The following CIB2 variants were observed in gnomAD, a reference collection of about 807,000 sequenced individuals.
CIB2 encodes the protein calcium and integrin-binding family member 2.
Under a neutral mutation model 23.1 loss-of-function variants are expected in CIB2, and 19 were observed. The observed-to-expected ratio is 0.82, with a 90% CI of 0.57 to 1.21. The LOEUF (loss-of-function observed/expected upper bound fraction) is 1.21, where lower values mean the gene tolerates loss of function less well. Ranked by LOEUF, CIB2 falls within the 50% of genes most tolerant of loss-of-function variation. CIB2 has a pLI of 0.00. For missense variants in CIB2, 220 were observed against 241.5 expected (o/e 0.91, Z 0.59); for synonymous variants, 94 against 91.7 (o/e 1.03, Z -0.14).
chr15:78,123,677 A>C lies in CIB2; in HGVS notation c.86+28T>G, dbSNP rs2074347508. ...TCACCCCGGCCCCAGTCCCAGTCCC[A>C]ACAGGGTGAACGAGAAGCCACACTT... is the stretch of plus-strand genomic sequence containing the variant. On this transcript the variant is annotated intron_variant, in intron 2 of 5. Transcript: ENST00000258930. The C allele has an allele frequency of 4.3e-6, 7 of 1,613,844 alleles. No homozygotes were observed. In the East Asian group the frequency reaches 1.6e-4, roughly 36 times the overall value.
At position 78,131,081 on chromosome 15, in the gene CIB2, G is replaced by A. The variant is rs1039533092; in HGVS notation, c.51+84C>T. On this transcript the variant is annotated intron_variant, in intron 1 of 5. Transcript: ENST00000258930. This position sits in a 1 kb window ranked among gnomAD's most constrained non-coding sequence, Gnocchi z 5.8. The stretch of plus-strand genomic sequence containing the variant: ...TTTGAACCTGGGAGAGCTGGCTCTC[G>A]GGAGGCCTCGGCCAGCGACCGAGAA... The A allele has an allele frequency of 1.4e-5, 18 of 1,280,348 alleles. No homozygotes were observed. The highest frequency in any genetic ancestry group is 2.2e-5 in the Admixed American group (1 of 46,236). The allele number at this position is 1,280,348 out of a possible 1,614,324, so 79.3% of individuals were successfully genotyped here.
At chr15:78,122,906 A>G (rs923125112) in intron 2 of CIB2, among the ~76,000 whole-genome samples, 13 of 152,216 alleles carry the variant, frequency 8.5e-5, no homozygotes, top group African/African-American at 1.2e-4. Context: ...GGAAGCTGCA[A>G]TGGGCTCTGG....
intron 1 of CIB2, among the ~76,000 whole-genome samples, 172 bp from the exon 2 acceptor site, chr15:78,123,911 G>A (rs1236796162): frequency 2.0e-5 from 3 of 152,270 alleles, no homozygotes; most frequent in Non-Finnish European, 2.9e-5. Context: ...GGCTCTAGTA[G>A]GTATAGAAAA....
chr15:78,115,839 G>A (rs910104806), intron 2 of CIB2, among the ~76,000 whole-genome samples: 9 of 151,468 alleles, frequency 5.9e-5, no homozygotes, highest in Admixed American at 2.6e-4. Context: ...CACCACACCC[G>A]GCTAATTTTT....
chr15:78,120,761 C>A (rs2074306816), intron 2 of CIB2: 14 of 984,988 alleles, frequency 1.4e-5, no homozygotes, highest in Non-Finnish European at 1.7e-5. Context: ...CCCCAACCTG[C>A]AAAGAAAAAC....
chr15:78,126,728 A>G (rs1007249854), intron 1 of CIB2, among the ~76,000 whole-genome samples: 2 of 152,216 alleles, frequency 1.3e-5, no homozygotes, highest in African/African-American at 4.8e-5. Context: ...GCCTAGTCTT[A>G]ATCTTTCTTC....
intron 4 of CIB2, among the ~76,000 whole-genome samples, chr15:78,107,324 C>G (rs895507762): frequency 3.9e-5 from 6 of 152,196 alleles, no homozygotes; most frequent in Admixed American, 2.0e-4. Context: ...AGCCCAAGCT[C>G]TTGGGGTGAC....
intron 2 of CIB2, among the ~76,000 whole-genome samples, chr15:78,111,842 G>A (rs984992738): frequency 6.6e-6 from 1 of 152,146 alleles, no homozygotes; most frequent in African/African-American, 2.4e-5. Context: ...CACTCCTGAG[G>A]GTCCATCAAA....
intron 1 of CIB2, among the ~76,000 whole-genome samples, chr15:78,124,940 G>A (rs537134811): frequency 3.3e-5 from 5 of 152,326 alleles, no homozygotes; most frequent in South Asian, 2.1e-4. Context: ...GGGTGCCTTC[G>A]GGAGAGCTGA....
intron 4 of CIB2, among the ~76,000 whole-genome samples, chr15:78,107,101 G>A (rs1359910280): frequency 6.6e-6 from 1 of 152,200 alleles, no homozygotes; most frequent in African/African-American, 2.4e-5. Context: ...CGGGCGTGGT[G>A]GTGGACGCCT....
intron 2 of CIB2, among the ~76,000 whole-genome samples, chr15:78,111,843 G>A (rs909977187): frequency 6.6e-6 from 1 of 152,124 alleles, no homozygotes; most frequent in South Asian, 2.1e-4. Context: ...ACTCCTGAGG[G>A]TCCATCAAAG....
intron 2 of CIB2, among the ~76,000 whole-genome samples, chr15:78,113,392 G>C (rs766079856): frequency 1.3e-5 from 2 of 152,136 alleles, no homozygotes; most frequent in African/African-American, 2.4e-5. Context: ...ATCAAGCTGA[G>C]ACTCTCCACA....
At chr15:78,129,812 C>T (rs1168891730) in intron 1 of CIB2, among the ~76,000 whole-genome samples, 1 of 152,230 alleles carries the variant, frequency 6.6e-6, no homozygotes, top group African/African-American at 2.4e-5. Context: ...CCCTGAATGG[C>T]TCCTCAGCCT....
At chr15:78,117,586 C>G (rs980041811) in intron 2 of CIB2, among the ~76,000 whole-genome samples, 1 of 152,106 alleles carries the variant, frequency 6.6e-6, no homozygotes, top group Admixed American at 6.6e-5. Flanking sequence ...TAAATTACGT[C>G]GAAATAATAA....
rs577278932 is a variant in CIB2 at position 78,118,331 on chromosome 15, G to C, written c.86+5374C>G. Among the ~76,000 whole-genome samples the C allele has an allele frequency of 5.9e-5, 9 of 151,932 alleles. No individual in the cohort carries two copies. In the East Asian group the frequency reaches 1.7e-3, roughly 29 times the overall value. The stretch of plus-strand genomic sequence containing the variant: ...GATAAATGGCTGGGCAGTGGCTCAC[G>C]CCTGTAATCCCAGCACTTTGGAAGC... On this transcript the variant is annotated intron_variant, in intron 2 of 5. Coordinates refer to ENST00000258930, the MANE Select transcript of CIB2 (RefSeq NM_006383.4).
chr15:78,127,028 T>C (rs1475770445), intron 1 of CIB2, among the ~76,000 whole-genome samples: 1 of 152,152 alleles, frequency 6.6e-6, no homozygotes, highest in East Asian at 1.9e-4. Flanking sequence ...TGAGCCTCAG[T>C]TTCTGCATCT....
chr15:78,108,129 G>A (rs753260702), intron 4 of CIB2, among the ~76,000 whole-genome samples: 4 of 149,288 alleles, frequency 2.7e-5, no homozygotes, highest in East Asian at 2.0e-4. Flanking sequence ...GCTTGAACCC[G>A]GGAGGCAGAG....
intron 2 of CIB2, among the ~76,000 whole-genome samples, chr15:78,116,175 G>A (rs2074238183): frequency 6.6e-6 from 1 of 152,056 alleles, no homozygotes; most frequent in Admixed American, 6.6e-5. Flanking sequence ...GTATATAGGA[G>A]GGGCTGGGCA....
At chr15:78,124,328 GA>G (rs1442237846) in intron 1 of CIB2, among the ~76,000 whole-genome samples, 1 of 152,002 alleles carries the variant, frequency 6.6e-6, no homozygotes, top group African/African-American at 2.4e-5. Flanking sequence ...ATGGGAGGGA[GA>G]AACGTGGGCA....
Sources: gnomAD v4.1 joint callset for allele counts (sites outside exome capture counted in the v4.1 genomes callset) on GRCh38, gnomAD v4.1.1 for gene constraint, Gnocchi (gnomAD v3.1) non-coding constraint, MANE v1.5 for transcripts, NCBI Gene and HGNC (gene_info 2026-07-23, HGNC 2026-07-21) for gene names.